The following PIK3CB variants were observed in gnomAD, a reference collection of about 807,000 sequenced individuals.
PIK3CB encodes phosphatidylinositol-4,5-bisphosphate 3-kinase catalytic subunit beta.
A neutral mutation model predicts 136.8 loss-of-function variants in PIK3CB; 39 were observed. The ratio of observed to expected loss-of-function variants is 0.29; its 90% CI spans 0.22 to 0.37. PIK3CB has a LOEUF of 0.37. Ranked by LOEUF, PIK3CB falls within the 10% of genes least tolerant of loss-of-function variation. The probability of loss-of-function intolerance (pLI) is 1.00; values close to 1 mark genes in which losing one functional copy is unlikely to be tolerated. For synonymous variants in PIK3CB, 428 were observed against 436.6 expected (o/e 0.98, Z 0.25); for missense variants, 868 against 1,275.4 (o/e 0.68, Z 4.87).
chr3:138,685,855 G>T (rs537382147), intron 16 of PIK3CB, among the ~76,000 whole-genome samples: 1 of 152,018 alleles, frequency 6.6e-6, no homozygotes, highest in South Asian at 2.1e-4. Flanking sequence ...TTCAACTTTA[G>T]GCTGGGTGTG....
intron 1 of PIK3CB, among the ~76,000 whole-genome samples, chr3:138,822,728 C>T (rs1332093879): frequency 6.6e-6 from 1 of 151,142 alleles, no homozygotes; most frequent in African/African-American, 2.4e-5. Flanking sequence ...ATAATCCCAG[C>T]TACTTGGGAG....
chr3:138,723,894 T>G (rs1329485414), intron 8 of PIK3CB, among the ~76,000 whole-genome samples: 3 of 152,204 alleles, frequency 2.0e-5, no homozygotes, highest in Non-Finnish European at 4.4e-5. Flanking sequence ...GTAGCATGAA[T>G]AGGTGGAAAT....
At chr3:138,724,816 A>G (rs2044803394) in intron 8 of PIK3CB, among the ~76,000 whole-genome samples, 1 of 152,174 alleles carries the variant, frequency 6.6e-6, no homozygotes, top group Non-Finnish European at 1.5e-5. Flanking sequence ...CGGAGACCAA[A>G]TGTATATTCT....
intron 1 of PIK3CB, among the ~76,000 whole-genome samples, chr3:138,823,067 A>AT (rs1291727686): frequency 1.3e-5 from 2 of 150,594 alleles, no homozygotes; most frequent in Non-Finnish European, 3.0e-5. Context: ...AACAAACTAC[A>AT]TTTTTTTTCA....
chr3:138,662,153 C>T (rs1164710576), intron 21 of PIK3CB, among the ~76,000 whole-genome samples: 1 of 148,126 alleles, frequency 6.8e-6, no homozygotes, highest in African/African-American at 2.5e-5. Flanking sequence ...GGTACATGTG[C>T]ACAATGTGCC....
intron 1 of PIK3CB, among the ~76,000 whole-genome samples, chr3:138,811,158 C>G (rs1261836091): frequency 2.3e-5 from 3 of 131,358 alleles, no homozygotes; most frequent in Non-Finnish European, 4.7e-5. Context: ...ACCTGGGAGG[C>G]GAGGGTTGCA....
rs375961764 is a variant in PIK3CB, at chr3:138,694,870, G to A, written c.1808C>T (p.Pro603Leu). 3.1e-6 allele frequency: 5 copies of A among 1,611,992 alleles called. No homozygotes were observed. Among genetic ancestry groups the A allele is most frequent in the Non-Finnish European group, 4.2e-6 (5 of 1,179,002 alleles). The change falls in exon 14 of 24, where the codon CCC (proline) becomes CTC (leucine). Residue 603 changes from proline (P) to leucine (L), a missense_variant. By Grantham distance (98) the Pro-to-Leu change is moderately conservative. Coordinates refer to ENST00000674063, the MANE Select transcript of PIK3CB (RefSeq NM_006219.3). The part of the protein sequence containing the change: ...ALLQIWPKLP[P>L]REALELLDFN... The stretch of plus-strand genomic sequence containing the variant: ...ATCCAGAAGCTCTAGGGCCTCCCGG[G>A]GGGGCAGTTTAGGCCAAATCTGAAG...
At chr3:138,703,068 AAG>A (rs1357590950) in intron 12 of PIK3CB, among the ~76,000 whole-genome samples, 1 of 152,212 alleles carries the variant, frequency 6.6e-6, no homozygotes, top group Non-Finnish European at 1.5e-5. Context: ...TTTGGGAAAA[AAG>A]ACAGAGAGAG....
intron 5 of PIK3CB, among the ~76,000 whole-genome samples, chr3:138,740,327 C>T (rs1219596850): frequency 1.3e-5 from 2 of 152,244 alleles, no homozygotes; most frequent in African/African-American, 2.4e-5. Context: ...TACTGCACTG[C>T]AGCCTGGACG....
chr3:138,765,877 GA>G (rs2045726769), intron 2 of PIK3CB, among the ~76,000 whole-genome samples: 1 of 151,980 alleles, frequency 6.6e-6, no homozygotes, highest in African/African-American at 2.4e-5. Context: ...TGGGGCGAAA[GA>G]AAAAAAGTTG....
chr3:138,691,241 A>G (rs541537079), intron 14 of PIK3CB, 98 bp from the exon 15 acceptor site: 6 of 1,134,618 alleles, frequency 5.3e-6, no homozygotes, highest in African/African-American at 3.1e-5. Flanking sequence ...TTGAAACACA[A>G]TGGTTCTTTT....
At chr3:138,777,760 C>T (rs1184085141) in intron 2 of PIK3CB, 1 of 154,312 alleles carries the variant, frequency 6.5e-6, no homozygotes, top group Non-Finnish European at 1.4e-5. Context: ...AAAATTTACA[C>T]TTTCTGTTCC....
At chr3:138,771,884 T>C (rs571979158) in intron 2 of PIK3CB, among the ~76,000 whole-genome samples, 1 of 141,898 alleles carries the variant, frequency 7.0e-6, no homozygotes, top group Non-Finnish European at 1.5e-5. Flanking sequence ...TTTGCAGAAC[T>C]GCACTCCAGC....
intron 21 of PIK3CB, among the ~76,000 whole-genome samples, chr3:138,658,891 C>G (rs1036669071): frequency 6.6e-6 from 1 of 152,210 alleles, no homozygotes; most frequent in Non-Finnish European, 1.5e-5. Flanking sequence ...ATTTTCAAAA[C>G]TGTTTTCCAG....
At chr3:138,704,723 TTGTC>T (rs1279678016) in intron 11 of PIK3CB, among the ~76,000 whole-genome samples, 1 of 152,098 alleles carries the variant, frequency 6.6e-6, no homozygotes, top group East Asian at 1.9e-4. Context: ...AGCACTAAAA[TTGTC>T]TGGAGATAAA....
chr3:138,661,683 A>C (rs1418305823), intron 21 of PIK3CB, among the ~76,000 whole-genome samples: 1 of 152,226 alleles, frequency 6.6e-6, no homozygotes, highest in Non-Finnish European at 1.5e-5. Context: ...ATTATAGTGC[A>C]TTACAAATTC....
chr3:138,682,137 C>T, intron 18 of PIK3CB, 92 bp from the exon 19 acceptor site: 1 of 711,242 alleles, frequency 1.4e-6, no homozygotes, highest in Non-Finnish European at 2.5e-6. Flanking sequence ...TAACTAAAAA[C>T]ATTAACAAAC....
chr3:138,759,759 A>C (rs2045636275), intron 2 of PIK3CB, among the ~76,000 whole-genome samples: 1 of 152,196 alleles, frequency 6.6e-6, no homozygotes, highest in South Asian at 2.1e-4. Context: ...TAAGAAATTT[A>C]GTTAACCAGC....
rs558560967 is a variant in PIK3CB at position 138,795,256 on chromosome 3, G to A, written c.-17+1207C>T. The stretch of plus-strand genomic sequence containing the variant: ...AATCACTTGAAACCGGGAGGCGGAC[G>A]TTGCAGTGAGCCGAGATCACACCAC... On this transcript the variant is annotated intron_variant, in intron 2 of 23. Transcript: ENST00000674063. 2.5e-3 allele frequency among the ~76,000 whole-genome samples: 365 copies of A among 148,964 alleles called. 1 individual carries two copies. Among genetic ancestry groups the A allele is most frequent in the African/African-American group, 8.6e-3 (347 of 40,254 alleles).
Sources: allele counts gnomAD v4.1 joint callset (sites outside exome capture counted in the v4.1 genomes callset), GRCh38; gene constraint gnomAD v4.1.1; transcripts MANE v1.5; gene names NCBI Gene and HGNC (gene_info 2026-07-23, HGNC 2026-07-21).